Variants in CNOT2 observed in about 807,000 individuals in gnomAD.
The protein encoded by CNOT2 is CC chemokine receptor 4-negative regulator of transcription 2.
In CNOT2, 7 loss-of-function variants were observed where a neutral mutation model predicts 72.1. That is an observed-to-expected ratio of 0.10 (90% CI 0.06 to 0.18). CNOT2 has a LOEUF of 0.18. Among genes scored for constraint, CNOT2 ranks in the 10% least tolerant of loss-of-function variants. The probability of loss-of-function intolerance (pLI) is 1.00; values close to 1 mark genes in which losing one functional copy is unlikely to be tolerated. For missense variants in CNOT2, 345 were observed against 660.3 expected, an observed-to-expected ratio of 0.52 and a Z score of 5.23; for synonymous variants, 196 against 225.6, an observed-to-expected ratio of 0.87 and a Z score of 1.17.
chr12:70,273,969 G>T (rs945320650), intron 1 of CNOT2, among the ~76,000 whole-genome samples: 11 of 151,988 alleles, frequency 7.2e-5, no homozygotes, highest in African/African-American at 2.7e-4. Flanking sequence ...TTGTTAAGTT[G>T]TATTTGTTTT....
At chr12:70,254,450 C>T (rs1205260819) in intron 1 of CNOT2, among the ~76,000 whole-genome samples, 1 of 152,036 alleles carries the variant, frequency 6.6e-6, no homozygotes, top group African/African-American at 2.4e-5. Context: ...TCATCACACT[C>T]CTCAGACTGG....
At chr12:70,349,790 G>C (rs1432129674) in intron 15 of CNOT2, among the ~76,000 whole-genome samples, 1 of 152,042 alleles carries the variant, frequency 6.6e-6, no homozygotes, top group African/African-American at 2.4e-5. Context: ...ACTTGAAGCT[G>C]GGAGTTTAAG....
upstream of CNOT2, chr12:70,243,217 G>A (rs777445305): frequency 3.3e-5 from 5 of 152,746 alleles, no homozygotes; most frequent in East Asian, 1.9e-4. Context: ...GTGAGTCGGT[G>A]GGAGACAAGA....
intron 1 of CNOT2, among the ~76,000 whole-genome samples, chr12:70,272,394 G>C (rs1868257324): frequency 6.6e-6 from 1 of 152,156 alleles, no homozygotes; most frequent in African/African-American, 2.4e-5. Flanking sequence ...TTGGCATTTG[G>C]AGATTTGGGG....
chr12:70,264,840 A>G (rs1422042580), intron 1 of CNOT2, among the ~76,000 whole-genome samples: 1 of 152,202 alleles, frequency 6.6e-6, no homozygotes, highest in Non-Finnish European at 1.5e-5. Flanking sequence ...TAGATTATTT[A>G]AAATAAAATA....
chr12:70,267,106 A>C (rs1037013618), intron 1 of CNOT2, among the ~76,000 whole-genome samples: 1 of 152,124 alleles, frequency 6.6e-6, no homozygotes. Context: ...TAGGGATTAC[A>C]ATGCACATTC....
intron 2 of CNOT2, among the ~76,000 whole-genome samples, chr12:70,289,357 C>T (rs1350712245): frequency 2.6e-5 from 4 of 151,996 alleles, no homozygotes; most frequent in African/African-American, 9.7e-5. Flanking sequence ...ACCTTTTTCT[C>T]TCTGGCTAAT....
intron 1 of CNOT2, among the ~76,000 whole-genome samples, chr12:70,259,920 A>T (rs1958667860): frequency 6.6e-6 from 1 of 152,216 alleles, no homozygotes; most frequent in Non-Finnish European, 1.5e-5. Context: ...TTTGTTAAAA[A>T]GACTGTTTTC....
At position 70,245,298 on chromosome 12, in the gene CNOT2, A is replaced by G. The variant is rs1298320173; in HGVS notation, c.-96+1818A>G. ...AAAACATGTTCCACTCTACTCACTT[A>G]TTTCTTGACTTTGTAAGATCCTTAC... On this transcript the variant is annotated intron_variant, in intron 1 of 15. Transcript: ENST00000229195. Among the ~76,000 whole-genome samples the G allele has an allele frequency of 4.6e-5, 7 of 152,160 alleles. No individual in the cohort carries two copies. The East Asian group carries it at 1.3e-3, about 29-fold the overall frequency.
chr12:70,272,955 G>T (rs569314008), intron 1 of CNOT2, among the ~76,000 whole-genome samples: 62 of 152,206 alleles, frequency 4.1e-4, no homozygotes, highest in African/African-American at 1.5e-3. Context: ...TTCTATTGAT[G>T]ATATATCTTT....
chr12:70,275,170 A>G (rs2135792367), intron 1 of CNOT2, among the ~76,000 whole-genome samples: 1 of 152,098 alleles, frequency 6.6e-6, no homozygotes, highest in South Asian at 2.1e-4. Flanking sequence ...TTTCTTTTCT[A>G]TACTTTAAAT....
chr12:70,264,355 T>G (rs1232693134), intron 1 of CNOT2, among the ~76,000 whole-genome samples: 1 of 152,162 alleles, frequency 6.6e-6, no homozygotes, highest in South Asian at 2.1e-4. Flanking sequence ...GGCTTGAACT[T>G]CTCTACACTC....
At chr12:70,330,568 TAA>T (rs1472739978) in intron 6 of CNOT2, 99 bp downstream of exon 6, 2 of 687,100 alleles carry the variant, frequency 2.9e-6, no homozygotes, top group Non-Finnish European at 4.8e-6. Context: ...GGCTTCTCTC[TAA>T]TAAGTGTGTT....
chr12:70,308,555 T>TTCTTTCTCTCTCTCTC (rs1555199527), intron 2 of CNOT2, among the ~76,000 whole-genome samples: 30 of 134,314 alleles, frequency 2.2e-4, no homozygotes, highest in South Asian at 1.0e-3. Context: ...TTGGTATATT[T>TTCTTTCTCTCTCTCTC]TCTCTCTCTC....
chr12:70,312,806 A>G (rs1876691055), intron 3 of CNOT2, among the ~76,000 whole-genome samples: 1 of 151,952 alleles, frequency 6.6e-6, no homozygotes, highest in Middle Eastern at 3.2e-3. Context: ...TACCTTATAC[A>G]TTGGCTGCTG....
At chr12:70,254,942 G>A (rs1458611271) in intron 1 of CNOT2, among the ~76,000 whole-genome samples, 1 of 145,534 alleles carries the variant, frequency 6.9e-6, no homozygotes, top group African/African-American at 2.5e-5. Flanking sequence ...CATCATGCCA[G>A]TGTACACCAG....
intron 9 of CNOT2, chr12:70,338,171 AT>A (rs5798975): frequency 0.18 from 47,288 of 258,138 alleles, 6,375 homozygotes; most frequent in East Asian, 0.77. Flanking sequence ...AAAGAGATAG[AT>A]TTTTTTTTTT....
intron 1 of CNOT2, among the ~76,000 whole-genome samples, chr12:70,259,310 G>A (rs1326766983): frequency 1.5e-5 from 2 of 137,732 alleles, no homozygotes; most frequent in African/African-American, 5.7e-5. Context: ...TTTCATGCAG[G>A]GCTTATTTTT....
intron 2 of CNOT2, among the ~76,000 whole-genome samples, chr12:70,302,913 A>C (rs942131333): frequency 1.3e-5 from 2 of 152,086 alleles, no homozygotes; most frequent in Admixed American, 1.3e-4. Flanking sequence ...TATTGGGTGT[A>C]TATATATTTA....
Sources: allele counts gnomAD v4.1 joint callset (sites outside exome capture counted in the v4.1 genomes callset), GRCh38; gene constraint gnomAD v4.1.1; transcripts MANE v1.5; gene names NCBI Gene and HGNC (gene_info 2026-07-23, HGNC 2026-07-21).